OLFM3: variants seen among roughly 807,000 people sequenced by gnomAD.
OLFM3 encodes the protein noelin-3.
OLFM3 carries 20 observed loss-of-function variants against 48.6 expected under a neutral mutation model. The observed-to-expected ratio is 0.41, with a 90% CI of 0.29 to 0.60. OLFM3 has a LOEUF of 0.60. OLFM3 is among the 20% of genes least tolerant of loss of function. OLFM3 has a pLI of 0.28. For missense variants in OLFM3, 437 were observed against 544.3 expected (o/e 0.80, Z 1.96); for synonymous variants, 222 against 198.1 (o/e 1.12, Z -1.01).
chr1:101,874,744 T>C (rs1657230170), intron 1 of OLFM3, among the ~76,000 whole-genome samples: 1 of 151,960 alleles, frequency 6.6e-6, no homozygotes, highest in African/African-American at 2.4e-5. Context: ...TCTGTTGTTC[T>C]GTGTTGTGAT....
chr1:101,946,350 A>G (rs912851100), intron 1 of OLFM3, among the ~76,000 whole-genome samples: 1 of 152,220 alleles, frequency 6.6e-6, no homozygotes, highest in African/African-American at 2.4e-5. Context: ...AAATCTAGAG[A>G]CAAAGATATG....
At chr1:101,812,393 T>G (rs1451162278) in intron 4 of OLFM3, 1 of 983,544 alleles carries the variant, frequency 1.0e-6, no homozygotes, top group Non-Finnish European at 1.2e-6. Context: ...CGAAACTGCC[T>G]CCTATGGTAT....
intron 1 of OLFM3, among the ~76,000 whole-genome samples, chr1:101,867,270 C>G (rs565400787): frequency 6.6e-6 from 1 of 152,308 alleles, no homozygotes; most frequent in Admixed American, 6.5e-5. Flanking sequence ...ACTAGTAATT[C>G]TATCCTTTGT....
In OLFM3 at chr1:101,827,478, C is replaced by T. The variant is rs543124187; in HGVS notation, c.373-2233G>A. ...GGGACTACAAGCGCCTGCCACCACA[C>T]GCAGCTAAGTTTTTGTATTTTTAGT... is the stretch of plus-strand genomic sequence containing the variant. On this transcript the variant is annotated intron_variant, in intron 3 of 5. Coordinates refer to ENST00000370103, the MANE Select transcript of OLFM3 (RefSeq NM_058170.4). Among the ~76,000 whole-genome samples, 6 of 152,158 alleles carry T rather than the reference C, an allele frequency of 3.9e-5. No individual in the cohort carries two copies. In the East Asian group the frequency reaches 7.7e-4, roughly 20 times the overall value.
At chr1:101,921,203 AC>A (rs1285695664) in intron 1 of OLFM3, among the ~76,000 whole-genome samples, 907 of 40,818 alleles carry the variant, frequency 0.022, 5 homozygotes, top group Non-Finnish European at 0.039. Context: ...AAGTTTATAC[AC>A]ACACACACAC....
chr1:101,939,682 C>T (rs942692337), intron 1 of OLFM3, among the ~76,000 whole-genome samples: 2 of 152,206 alleles, frequency 1.3e-5, no homozygotes, highest in Non-Finnish European at 2.9e-5. Context: ...AAAATTAAAG[C>T]GATGCAGGAT....
intron 1 of OLFM3, among the ~76,000 whole-genome samples, chr1:101,918,479 C>A (rs1190303082): frequency 2.0e-5 from 3 of 151,858 alleles, no homozygotes; most frequent in Non-Finnish European, 4.4e-5. Context: ...TGGTTTGTGG[C>A]TCCCTTCCAT....
At chr1:101,958,618 T>C (rs1225160486) in intron 1 of OLFM3, among the ~76,000 whole-genome samples, 1 of 151,984 alleles carries the variant, frequency 6.6e-6, no homozygotes, top group Non-Finnish European at 1.5e-5. Flanking sequence ...GTGTTTGTGA[T>C]CTCCAATCAG....
intron 1 of OLFM3, among the ~76,000 whole-genome samples, chr1:101,868,561 A>G (rs889358475): frequency 1.1e-4 from 16 of 152,188 alleles, no homozygotes; most frequent in Non-Finnish European, 2.1e-4. Flanking sequence ...AATTTGGAAA[A>G]TTTGCAGACT....
chr1:101,847,085 T>C, intron 1 of OLFM3: 1 of 1,418,204 alleles, frequency 7.1e-7, no homozygotes, highest in African/African-American at 1.4e-5. Context: ...AGAGATCAAC[T>C]TCCCCAGCTC....
At chr1:101,896,670 ATTTTTT>A (rs3079210) in intron 1 of OLFM3, among the ~76,000 whole-genome samples, 4 of 105,704 alleles carry the variant, frequency 3.8e-5, no homozygotes, top group Non-Finnish European at 7.5e-5. Flanking sequence ...GATTTTTTGT[ATTTTTT>A]TTTTTTTTTT....
intron 1 of OLFM3, among the ~76,000 whole-genome samples, chr1:101,938,588 A>G (rs1659693433): frequency 6.6e-6 from 1 of 152,212 alleles, no homozygotes; most frequent in Non-Finnish European, 1.5e-5. Context: ...AAAGTTATGC[A>G]CATCATAGCA....
intron 1 of OLFM3, among the ~76,000 whole-genome samples, chr1:101,932,357 A>G (rs1659468511): frequency 6.6e-6 from 1 of 152,200 alleles, no homozygotes. Flanking sequence ...CAGCCAGGAG[A>G]AATAGCTCCT....
chr1:101,812,914 T>G (rs1654138397), intron 4 of OLFM3: 1 of 1,000,448 alleles, frequency 1.0e-6, no homozygotes, highest in South Asian at 4.0e-5. Context: ...AGCATTTCTC[T>G]GAAATATGTT....
chr1:101,872,442 A>G (rs978988983), intron 1 of OLFM3, among the ~76,000 whole-genome samples: 7 of 152,082 alleles, frequency 4.6e-5, no homozygotes, highest in Middle Eastern at 3.2e-3. Context: ...GAGAAAATTA[A>G]GAGATGAGTG....
chr1:101,892,603 C>A (rs1347604842), intron 1 of OLFM3, among the ~76,000 whole-genome samples: 1 of 152,034 alleles, frequency 6.6e-6, no homozygotes, highest in African/African-American at 2.4e-5. Context: ...CTTTCCCTCC[C>A]TTTTCTTTGT....
chr1:101,935,711 A>T (rs1473250599), intron 1 of OLFM3, among the ~76,000 whole-genome samples: 3 of 152,178 alleles, frequency 2.0e-5, no homozygotes, highest in Non-Finnish European at 4.4e-5. Context: ...ATGAACATAG[A>T]TGCAAAATTT....
chr1:101,820,755 T>C (rs549238330), intron 4 of OLFM3, among the ~76,000 whole-genome samples: 2 of 152,228 alleles, frequency 1.3e-5, no homozygotes, highest in African/African-American at 2.4e-5. Context: ...GTTTTTAGCA[T>C]CTTAAAATTC....
intron 1 of OLFM3, among the ~76,000 whole-genome samples, chr1:101,845,941 T>C (rs1655971977): frequency 6.6e-6 from 1 of 152,238 alleles, no homozygotes; most frequent in Non-Finnish European, 1.5e-5. Flanking sequence ...ATCTGACTTT[T>C]TCTGATCCAC....
Sources: allele counts gnomAD v4.1 joint callset (sites outside exome capture counted in the v4.1 genomes callset), GRCh38; gene constraint gnomAD v4.1.1; transcripts MANE v1.5; gene names NCBI Gene and HGNC (gene_info 2026-07-23, HGNC 2026-07-21).